ROBO2: variants seen among roughly 807,000 people sequenced by gnomAD.
ROBO2 encodes the protein roundabout guidance receptor 2, also known as roundabout homolog 2.
ROBO2 carries 53 observed loss-of-function variants against 160.8 expected under a neutral mutation model. The ratio of observed to expected loss-of-function variants is 0.33; its 90% confidence interval spans 0.26 to 0.41. The LOEUF (loss-of-function observed/expected upper bound fraction) is 0.41. ROBO2 is among the 10% of genes least tolerant of loss of function. The probability of loss-of-function intolerance (pLI) is 1.00; values close to 1 mark genes in which losing one functional copy is unlikely to be tolerated. For synonymous variants in ROBO2, 664 were observed against 611.7 expected (o/e 1.09, Z -1.26); for missense variants, 1,577 against 1,722.4 (o/e 0.92, Z 1.49).
chr3:76,361,119 GT>G (rs778039354), intron 2 of ROBO2, among the ~76,000 whole-genome samples: 1 of 152,064 alleles, frequency 6.6e-6, no homozygotes, highest in Non-Finnish European at 1.5e-5. Flanking sequence ...AGCGCTGCAA[GT>G]TAGAATTACT....
intron 2 of ROBO2, among the ~76,000 whole-genome samples, chr3:76,040,253 A>G (rs1420373247): frequency 6.6e-6 from 1 of 151,854 alleles, no homozygotes; most frequent in Non-Finnish European, 1.5e-5. Context: ...ATAAACCTTT[A>G]TAACTTATTT....
At chr3:77,405,914 C>T (rs1347167308) in intron 2 of ROBO2, among the ~76,000 whole-genome samples, 3 of 152,012 alleles carry the variant, frequency 2.0e-5, no homozygotes, top group South Asian at 2.1e-4. Context: ...AAAAGATAAA[C>T]GTGAATTTGA....
chr3:77,417,015 A>G (rs2077289437), intron 2 of ROBO2, among the ~76,000 whole-genome samples: 1 of 152,048 alleles, frequency 6.6e-6, no homozygotes, highest in Non-Finnish European at 1.5e-5. Context: ...ATTTTAAGCT[A>G]CTCTAAAGTC....
intron 2 of ROBO2, among the ~76,000 whole-genome samples, chr3:76,816,449 G>A (rs765946328): frequency 6.6e-6 from 1 of 152,016 alleles, no homozygotes; most frequent in Non-Finnish European, 1.5e-5. Context: ...GCCAAAGCGT[G>A]TGATTCAGAG....
At chr3:77,560,705 TC>T (rs1437309723) in intron 9 of ROBO2, among the ~76,000 whole-genome samples, 1 of 152,152 alleles carries the variant, frequency 6.6e-6, no homozygotes, top group Admixed American at 6.6e-5. Flanking sequence ...ATTCCAGCAC[TC>T]ATTAAAATAT....
intron 2 of ROBO2, among the ~76,000 whole-genome samples, chr3:76,288,909 A>G (rs1194506513): frequency 2.0e-5 from 3 of 152,130 alleles, no homozygotes; most frequent in African/African-American, 2.4e-5. Flanking sequence ...ATGGGCATCT[A>G]GGTTCATCCA....
intron 2 of ROBO2, among the ~76,000 whole-genome samples, chr3:77,447,778 TAGAA>T (rs1209877678): frequency 2.0e-5 from 3 of 152,150 alleles, no homozygotes; most frequent in Non-Finnish European, 4.4e-5. Context: ...ACAATCAAGA[TAGAA>T]AGAATCCATA....
chr3:76,537,007 G>A (rs1284557507), intron 2 of ROBO2, among the ~76,000 whole-genome samples: 1 of 152,052 alleles, frequency 6.6e-6, no homozygotes, highest in East Asian at 1.9e-4. Flanking sequence ...AGGAAGGGAG[G>A]TGATAGAAGA....
intron 1 of ROBO2, among the ~76,000 whole-genome samples, chr3:77,046,715 T>A (rs1046828864): frequency 1.3e-5 from 2 of 152,200 alleles, no homozygotes; most frequent in African/African-American, 4.8e-5. Flanking sequence ...TTAACAAGAA[T>A]TCCAGGCTCT....
chr3:76,984,547 A>G (rs1559800726), intron 2 of ROBO2, among the ~76,000 whole-genome samples: 1 of 152,172 alleles, frequency 6.6e-6, no homozygotes, highest in African/African-American at 2.4e-5. Flanking sequence ...GGGAGATAGA[A>G]GCAGTTACCG....
chr3:77,363,243 A>C (rs1231241560), intron 2 of ROBO2, among the ~76,000 whole-genome samples: 1 of 152,200 alleles, frequency 6.6e-6, no homozygotes, highest in Non-Finnish European at 1.5e-5. Flanking sequence ...AGGTTTTAAA[A>C]GACTAGTAAG....
chr3:76,210,869 A>G (rs549121763), intron 2 of ROBO2, among the ~76,000 whole-genome samples: 1 of 152,216 alleles, frequency 6.6e-6, no homozygotes, highest in African/African-American at 2.4e-5. Context: ...CAATTATTAA[A>G]TCTATCATTT....
Position 76,973,662 on chromosome 3 carries a change from T to A in ROBO2, c.110-124352T>A, listed in dbSNP as rs1478910505. On this transcript the variant is annotated intron_variant, in intron 2 of 26. Coordinates refer to the ROBO2 transcript ENST00000487694. ...CTATTAACTACATACACAAGAGACA[T>A]GGCATGACTTTTTCTGAACGTTAGA... 2.6e-5 allele frequency among the ~76,000 whole-genome samples: 4 copies of A among 152,208 alleles called. No individual in the cohort carries two copies. The South Asian group carries it at 8.3e-4, about 31-fold the overall frequency.
chr3:76,725,314 C>T (rs919585204), intron 2 of ROBO2, among the ~76,000 whole-genome samples: 1 of 151,908 alleles, frequency 6.6e-6, no homozygotes, highest in African/African-American at 2.4e-5. Context: ...TAAATTATTC[C>T]TTCTTTTACA....
chr3:75,908,432 G>GCTCCCTCCCTCCATTT (rs1280814979), intron 1 of ROBO2, among the ~76,000 whole-genome samples: 2 of 135,508 alleles, frequency 1.5e-5, no homozygotes, highest in Non-Finnish European at 3.2e-5. Context: ...AAGGAGAAAA[G>GCTCCCTCCCTCCATTT]TGATATTCCA....
At chr3:76,693,172 T>C (rs922546729) in intron 2 of ROBO2, among the ~76,000 whole-genome samples, 2 of 148,902 alleles carry the variant, frequency 1.3e-5, no homozygotes, top group Non-Finnish European at 3.0e-5. Flanking sequence ...TCTCTATATA[T>C]AGTGTATCTA....
At chr3:77,616,229 G>T (rs1448481978) in intron 21 of ROBO2, among the ~76,000 whole-genome samples, 1 of 152,170 alleles carries the variant, frequency 6.6e-6, no homozygotes, top group African/African-American at 2.4e-5. Flanking sequence ...ACAAGCAAGT[G>T]ATTTGAGAAC....
chr3:77,318,703 A>T (rs2064331529), intron 2 of ROBO2, among the ~76,000 whole-genome samples: 2 of 152,194 alleles, frequency 1.3e-5, no homozygotes, highest in African/African-American at 4.8e-5. Flanking sequence ...CAACTACTAA[A>T]TTAGATAATA....
intron 2 of ROBO2, among the ~76,000 whole-genome samples, chr3:76,082,236 G>A (rs1439519944): frequency 1.3e-5 from 2 of 152,140 alleles, no homozygotes; most frequent in Non-Finnish European, 2.9e-5. Flanking sequence ...CCAGAAATTA[G>A]GGAAGACTCA....
Sources: gnomAD v4.1 joint callset for allele counts (sites outside exome capture counted in the v4.1 genomes callset) on GRCh38, gnomAD v4.1.1 for gene constraint, MANE v1.5 for transcripts, NCBI Gene and HGNC (gene_info 2026-07-23, HGNC 2026-07-21) for gene names.